Variants in CTNNA1 observed in about 807,000 individuals in gnomAD.
The protein encoded by CTNNA1 is catenin alpha 1, also known as catenin alpha-1.
A neutral mutation model predicts 98.4 loss-of-function variants in CTNNA1; 37 were observed. That is an observed-to-expected ratio of 0.38 (90% confidence interval 0.29 to 0.49). The LOEUF (loss-of-function observed/expected upper bound fraction) is 0.49. CTNNA1 is among the 20% of genes least tolerant of loss of function. The probability of loss-of-function intolerance (pLI) is 0.95; values close to 1 mark genes in which losing one functional copy is unlikely to be tolerated. For synonymous variants in CTNNA1, 404 were observed against 413.2 expected, an observed-to-expected ratio of 0.98 and a Z score of 0.27; for missense variants, 761 against 1,147.2, an observed-to-expected ratio of 0.66 and a Z score of 4.86.
rs1274677659 is a variant in CTNNA1, at chr5:138,925,280, T to G, written c.1772T>G (p.Val591Gly). Reference sequence around the variant, plus strand: ...GTCATGCCACGTTTTACTGAGCAAGTAGAAGCAGCCGTGGAAGCCCTCAGC... The same window carrying G: ...GTCATGCCACGTTTTACTGAGCAAGGAGAAGCAGCCGTGGAAGCCCTCAGC... ...NTVMPRFTEQ[V>G]EAAVEALSSD... Residue 591 changes from valine (V) to glycine (G), a missense_variant, in exon 13 of 18, where the codon GTA becomes GGA. Physicochemically the swap from Val to Gly is moderately radical, Grantham distance 109 (BLOSUM62 -3). Coordinates refer to ENST00000302763, the MANE Select transcript of CTNNA1 (RefSeq NM_001903.5). The G allele has an allele frequency of 1.2e-6, 2 of 1,614,012 alleles. No homozygotes were observed. Among genetic ancestry groups the G allele is most frequent in the Admixed American group, 3.3e-5 (2 of 59,998 alleles).
chr5:138,921,897 C>T (rs1338468793), intron 11 of CTNNA1, among the ~76,000 whole-genome samples: 2 of 151,052 alleles, frequency 1.3e-5, no homozygotes, highest in African/African-American at 4.9e-5. Context: ...ACCATGTAAT[C>T]AAAAATCACC....
intron 7 of CTNNA1, among the ~76,000 whole-genome samples, chr5:138,840,124 A>G (rs1762151703): frequency 6.6e-6 from 1 of 152,226 alleles, no homozygotes; most frequent in Non-Finnish European, 1.5e-5. Flanking sequence ...TGGGGATATA[A>G]TGGGTGGTGT....
chr5:138,769,169 G>A (rs1037217926), intron 1 of CTNNA1, among the ~76,000 whole-genome samples: 7 of 152,068 alleles, frequency 4.6e-5, no homozygotes, highest in African/African-American at 9.6e-5. Flanking sequence ...TGGGATTACA[G>A]GTGTGAGCCA....
intron 7 of CTNNA1, among the ~76,000 whole-genome samples, chr5:138,880,516 C>T (rs1752655170): frequency 6.6e-6 from 1 of 152,220 alleles, no homozygotes; most frequent in Non-Finnish European, 1.5e-5. Flanking sequence ...AACTCTTCTT[C>T]TGCTAGTGGC....
intron 3 of CTNNA1, among the ~76,000 whole-genome samples, chr5:138,788,199 G>A (rs1277582040): frequency 6.6e-6 from 1 of 151,922 alleles, no homozygotes; most frequent in South Asian, 2.1e-4. Context: ...TCCTCTCTAC[G>A]CTCCAGCAGT....
Position 138,810,154 on chromosome 5 carries a change from A to G in CTNNA1, c.418A>G (p.Ile140Val). ...ALLSAVTRLL[I>V]LADMADVYKL... is the part of the protein sequence containing the mutation. Reference sequence around the variant, plus strand: ...GCTCTCTGCTGTTACCCGGTTGCTGATTTTGGCTGACATGGCAGATGTCTA... The same window carrying G: ...GCTCTCTGCTGTTACCCGGTTGCTGGTTTTGGCTGACATGGCAGATGTCTA... The change falls in exon 4 of 18, where the codon ATT (isoleucine) becomes GTT (valine). Residue 140 changes from isoleucine to valine, a missense_variant. Physicochemically the swap from Ile to Val is conservative, Grantham distance 29. Coordinates refer to ENST00000302763, the MANE Select transcript of CTNNA1 (RefSeq NM_001903.5). The G allele has an allele frequency of 6.2e-7, 1 of 1,614,150 alleles. No homozygotes were observed. The highest frequency in any genetic ancestry group is 8.5e-7 in the Non-Finnish European group (1 of 1,180,024).
At chr5:138,823,847 C>CT (rs1760318197) in intron 5 of CTNNA1, among the ~76,000 whole-genome samples, 1 of 146,752 alleles carries the variant, frequency 6.8e-6, no homozygotes, top group Non-Finnish European at 1.5e-5. Flanking sequence ...GTCCCAGCTA[C>CT]TTGGGAGGCT....
Position 138,887,495 on chromosome 5 carries a change from C to T in CTNNA1, c.1149C>T (p.Arg383=), listed in dbSNP as rs771938321. 93 of 1,592,190 alleles carry T rather than the reference C, an allele frequency of 5.8e-5. No homozygotes were observed. The highest frequency in any genetic ancestry group is 7.8e-5 in the Non-Finnish European group (91 of 1,172,432). Residue 383 remains arginine, a synonymous_variant, in exon 9 of 18, where the codon CGC becomes CGT. Transcript: ENST00000302763. The stretch of plus-strand genomic sequence containing the variant: ...TTTTACAATTTAATCATTAGCTCCG[C>T]AAAGCTGTCATGGACCACGTTTCAG... ...KKTRDLRRQL[R]KAVMDHVSDS... is the part of the protein sequence containing the mutation.
intron 7 of CTNNA1, among the ~76,000 whole-genome samples, chr5:138,842,950 C>G (rs1021996954): frequency 6.6e-6 from 1 of 152,182 alleles, no homozygotes; most frequent in African/African-American, 2.4e-5. Context: ...CTATCCAATG[C>G]TCCATTAACC....
intron 3 of CTNNA1, among the ~76,000 whole-genome samples, chr5:138,798,746 G>C (rs950915505): frequency 2.0e-5 from 3 of 152,252 alleles, no homozygotes; most frequent in African/African-American, 7.2e-5. Flanking sequence ...GGGGATGACA[G>C]ATTTTATTTC....
chr5:138,910,988 C>T (rs1339701752), intron 10 of CTNNA1, among the ~76,000 whole-genome samples: 2 of 152,172 alleles, frequency 1.3e-5, no homozygotes, highest in African/African-American at 4.8e-5. Context: ...CCTATAATCC[C>T]AGCACTTTGG....
At chr5:138,786,571 A>G (rs911658922) in intron 3 of CTNNA1, among the ~76,000 whole-genome samples, 3 of 152,136 alleles carry the variant, frequency 2.0e-5, no homozygotes, top group South Asian at 2.1e-4. Flanking sequence ...AAGTGGTGCT[A>G]TTTACTTTGG....
intron 10 of CTNNA1, among the ~76,000 whole-genome samples, chr5:138,914,217 A>G (rs994250147): frequency 6.6e-6 from 1 of 152,240 alleles, no homozygotes; most frequent in African/African-American, 2.4e-5. Context: ...AAAACGTGTG[A>G]TTAATTCCCT....
intron 1 of CTNNA1, among the ~76,000 whole-genome samples, chr5:138,769,323 C>T (rs1443409313): frequency 1.3e-5 from 2 of 151,814 alleles, no homozygotes; most frequent in African/African-American, 2.4e-5. Context: ...TGAAAGGTTT[C>T]TCCTCCCTTA....
chr5:138,929,383 C>G (rs538781437), intron 14 of CTNNA1, 27 bp downstream of exon 14: 23 of 1,171,286 alleles, frequency 2.0e-5, no homozygotes, highest in South Asian at 1.8e-4. Flanking sequence ...TGGGGCAGTT[C>G]AGCTTGTGCT....
chr5:138,777,404 T>G (rs1235198969), intron 1 of CTNNA1, among the ~76,000 whole-genome samples: 1 of 141,108 alleles, frequency 7.1e-6, no homozygotes, highest in Non-Finnish European at 1.5e-5. Context: ...GCTCCTCACG[T>G]CCCAGACGAT....
In CTNNA1 at chr5:138,858,576, T is replaced by TTTTTTCTTTTTCTTTTTCTTTTTC. The variant is rs1554090748; in HGVS notation, c.1063-27613_1063-27612insCTTTTTCTTTTTCTTTTTCTTTTT. 9.3e-4 allele frequency among the ~76,000 whole-genome samples: 85 copies of TTTTTTCTTTTTCTTTTTCTTTTTC among 91,784 alleles called. 1 individual carries two copies. The highest frequency in any genetic ancestry group is 3.6e-3 in the African/African-American group (74 of 20,454). 60.2% of individuals were successfully genotyped at this position (91,784 alleles called of 152,430 possible). A position where few individuals can be genotyped will look rare whatever the true frequency, so the allele number is the denominator to read the frequency against. The stretch of plus-strand genomic sequence containing the variant: ...ACCCTTTTAGTTGAATATTTGGCTT[T>TTTTTTCTTTTTCTTTTTCTTTTTC]TTTTTCTTTTTCTTTTTCTTTTTTT... On this transcript the variant is annotated intron_variant, in intron 7 of 17. Transcript: ENST00000302763.
intron 9 of CTNNA1, among the ~76,000 whole-genome samples, chr5:138,889,678 C>G (rs1754924816): frequency 1.4e-5 from 2 of 140,558 alleles, no homozygotes; most frequent in African/African-American, 5.3e-5. Context: ...CCCATCACAG[C>G]TCAGTTCTGA....
chr5:138,760,537 T>C (rs1375778585), intron 1 of CTNNA1, among the ~76,000 whole-genome samples: 3 of 151,036 alleles, frequency 2.0e-5, no homozygotes, highest in Admixed American at 6.6e-5. Flanking sequence ...GGCTAATTTC[T>C]TTATTTTTAG....
Sources: gnomAD v4.1 joint callset for allele counts (sites outside exome capture counted in the v4.1 genomes callset) on GRCh38, gnomAD v4.1.1 for gene constraint, MANE v1.5 for transcripts, NCBI Gene and HGNC (gene_info 2026-07-23, HGNC 2026-07-21) for gene names.